ZMYM4: variants seen among roughly 807,000 people sequenced by gnomAD.
ZMYM4 encodes the protein zinc finger MYM-type protein 4.
Under a neutral mutation model 183.2 loss-of-function variants are expected in ZMYM4, and 31 were observed. The observed-to-expected ratio is 0.17, with a 90% confidence interval of 0.13 to 0.23. The LOEUF is 0.23. ZMYM4 is among the 10% of genes least tolerant of loss of function. The pLI, the probability that ZMYM4 is intolerant of heterozygous loss-of-function variation, is 1.00. For synonymous variants in ZMYM4, 592 were observed against 631.2 expected (o/e 0.94, Z 0.93); for missense variants, 1,273 against 1,840.3 (o/e 0.69, Z 5.64).
At chr1:35,289,038 G>A (rs1640636573) in intron 1 of ZMYM4, among the ~76,000 whole-genome samples, 1 of 152,304 alleles carries the variant, frequency 6.6e-6, no homozygotes, top group South Asian at 2.1e-4. Context: ...AGGAAGTTAA[G>A]CTTTGTGCTA....
intron 2 of ZMYM4, chr1:35,350,866 T>C (rs1023150370): frequency 2.0e-5 from 12 of 587,656 alleles, no homozygotes; most frequent in Non-Finnish European, 3.1e-5. Context: ...AACACACAAA[T>C]ACAGGATGAT....
intron 1 of ZMYM4, among the ~76,000 whole-genome samples, chr1:35,270,977 A>T (rs1639568378): frequency 6.6e-6 from 1 of 152,222 alleles, no homozygotes; most frequent in Non-Finnish European, 1.5e-5. Flanking sequence ...GTTAAGCTGT[A>T]TGATGGTATG....
intron 17 of ZMYM4, 73 bp from the exon 18 acceptor site, chr1:35,393,522 T>C: frequency 1.5e-6 from 2 of 1,312,890 alleles, no homozygotes; most frequent in Non-Finnish European, 2.0e-6. Flanking sequence ...TTTCCTTTAA[T>C]ATTATAATAT....
At chr1:35,402,396 G>A (rs113203282) in intron 23 of ZMYM4, among the ~76,000 whole-genome samples, 3 of 152,206 alleles carry the variant, frequency 2.0e-5, no homozygotes, top group East Asian at 1.9e-4. Context: ...CAGAAGGATT[G>A]TTTGAGCCCA....
chr1:35,366,387 G>T (rs142752693), intron 5 of ZMYM4, among the ~76,000 whole-genome samples: 3 of 152,248 alleles, frequency 2.0e-5, no homozygotes, highest in African/African-American at 7.2e-5. Flanking sequence ...AGTTGCGGAT[G>T]TCATCGTTAT....
intron 13 of ZMYM4, 138 bp downstream of exon 13, chr1:35,387,742 A>G (rs1644608865): frequency 3.5e-6 from 3 of 865,082 alleles, no homozygotes; most frequent in East Asian, 5.5e-5. Context: ...ATTCATTTAC[A>G]CTTAGTTCAT....
intron 2 of ZMYM4, among the ~76,000 whole-genome samples, chr1:35,350,476 G>A (rs1052464840): frequency 1.6e-4 from 25 of 152,064 alleles, no homozygotes; most frequent in African/African-American, 6.0e-4. Flanking sequence ...TTTAGTAAGT[G>A]GGGTTTTGCC....
intron 7 of ZMYM4, among the ~76,000 whole-genome samples, chr1:35,380,490 GCTAAT>G (rs1477140833): frequency 2.0e-5 from 3 of 152,088 alleles, no homozygotes; most frequent in African/African-American, 7.2e-5. Context: ...GCCACGCCTG[GCTAAT>G]TTTTTGTATT....
At chr1:35,274,989 T>A (rs1639800758) in intron 1 of ZMYM4, among the ~76,000 whole-genome samples, 1 of 152,210 alleles carries the variant, frequency 6.6e-6, no homozygotes, top group Non-Finnish European at 1.5e-5. Flanking sequence ...ATAAAGCACA[T>A]AATTCTTTAT....
intron 2 of ZMYM4, among the ~76,000 whole-genome samples, chr1:35,352,781 A>T (rs764818782): frequency 6.6e-6 from 1 of 152,152 alleles, no homozygotes; most frequent in African/African-American, 2.4e-5. Flanking sequence ...CATTTTGACC[A>T]GATTTCTAAA....
intron 23 of ZMYM4, among the ~76,000 whole-genome samples, chr1:35,401,084 C>T (rs1644900568): frequency 6.6e-6 from 1 of 152,120 alleles, no homozygotes; most frequent in African/African-American, 2.4e-5. Context: ...ATGTTATGAA[C>T]ATCTTAGTAT....
At chr1:35,350,222 T>TG (rs1381080932) in intron 2 of ZMYM4, among the ~76,000 whole-genome samples, 1 of 135,728 alleles carries the variant, frequency 7.4e-6, no homozygotes, top group Non-Finnish European at 1.5e-5. Flanking sequence ...GACTCCATCT[T>TG]GAAAAAAAAA....
At chr1:35,278,486 C>T (rs1639983852) in intron 1 of ZMYM4, among the ~76,000 whole-genome samples, 1 of 148,590 alleles carries the variant, frequency 6.7e-6, no homozygotes, top group African/African-American at 2.5e-5. Flanking sequence ...AGTGTAGTGG[C>T]AGAATCTTGG....
chr1:35,291,613 T>C (rs1640764350), intron 1 of ZMYM4, among the ~76,000 whole-genome samples: 1 of 151,480 alleles, frequency 6.6e-6, no homozygotes, highest in Non-Finnish European at 1.5e-5. Context: ...TTAGCAATAA[T>C]AGTAGTGGTA....
intron 10 of ZMYM4, 124 bp downstream of exon 10, chr1:35,385,716 A>G: frequency 1.8e-6 from 2 of 1,129,194 alleles, no homozygotes; most frequent in Non-Finnish European, 2.4e-6. Flanking sequence ...TATTTGTTGT[A>G]AAATATCACC....
intron 7 of ZMYM4, among the ~76,000 whole-genome samples, chr1:35,373,397 C>T (rs1279064622): frequency 1.4e-5 from 2 of 141,916 alleles, no homozygotes; most frequent in African/African-American, 5.2e-5. Context: ...TTTTTTGAGA[C>T]CGAGTCTCGC....
At chr1:35,301,396 A>G (rs1019659137) in intron 1 of ZMYM4, among the ~76,000 whole-genome samples, 15 of 152,238 alleles carry the variant, frequency 9.9e-5, no homozygotes, top group African/African-American at 3.4e-4. Context: ...AAAGTACAAA[A>G]TTAGTCTGGC....
chr1:35,339,834 C>G (rs1446698444), intron 2 of ZMYM4, among the ~76,000 whole-genome samples: 2 of 152,190 alleles, frequency 1.3e-5, no homozygotes, highest in Non-Finnish European at 2.9e-5. Context: ...AATTACCTTA[C>G]TCACCAGCAT....
At chr1:35,302,040 TCTG>T (rs1641301742) in intron 1 of ZMYM4, among the ~76,000 whole-genome samples, 1 of 152,164 alleles carries the variant, frequency 6.6e-6, no homozygotes, top group South Asian at 2.1e-4. Flanking sequence ...AAATCCACTC[TCTG>T]TTACTTCATA....
Sources: allele counts gnomAD v4.1 joint callset (sites outside exome capture counted in the v4.1 genomes callset), GRCh38; gene constraint gnomAD v4.1.1; transcripts MANE v1.5; gene names NCBI Gene and HGNC (gene_info 2026-07-23, HGNC 2026-07-21).